Variants in ATP10B observed in about 807,000 individuals in gnomAD.
ATP10B encodes phospholipid-transporting ATPase VB.
Under a neutral mutation model 141.2 loss-of-function variants are expected in ATP10B, and 122 were observed. The observed-to-expected ratio is 0.86, with a 90% CI of 0.75 to 1.00. ATP10B has a LOEUF of 1.00. Ranked by LOEUF, ATP10B falls within the 50% of genes least tolerant of loss-of-function variation. The probability of loss-of-function intolerance (pLI) is 0.00; values close to 1 mark genes in which losing one functional copy is unlikely to be tolerated. For missense variants in ATP10B, 1,876 were observed against 1,825.3 expected (o/e 1.03, Z -0.51); for synonymous variants, 685 against 692.0 (o/e 0.99, Z 0.16).
At chr5:160,928,126 A>G in the ATP10B span, among the ~76,000 whole-genome samples, 1 of 152,122 alleles carries the variant, frequency 6.6e-6, no homozygotes, top group Non-Finnish European at 1.5e-5. Flanking sequence ...CATGCTTTGG[A>G]GGTGAGACTG....
At chr5:160,599,024 C>T in intron 21 of ATP10B, 54 bp from the exon 22 acceptor site, 1 of 1,565,598 alleles carries the variant, frequency 6.4e-7, no homozygotes, top group Non-Finnish European at 8.8e-7. Flanking sequence ...AGCCGGTCAC[C>T]AGCTCCTGCT....
At chr5:160,838,013 T>C (rs1287737246) in intron 1 of ATP10B, among the ~76,000 whole-genome samples, 1 of 152,192 alleles carries the variant, frequency 6.6e-6, no homozygotes, top group Non-Finnish European at 1.5e-5. Context: ...TCATAAACTT[T>C]TGCCAGAATT....
At chr5:160,902,665 C>A in the ATP10B span, among the ~76,000 whole-genome samples, 5 of 152,174 alleles carry the variant, frequency 3.3e-5, no homozygotes, top group South Asian at 8.3e-4. Context: ...GTTTGGGCAT[C>A]TTTTCTTCCA....
At chr5:160,756,458 C>A (rs1411861515) in intron 2 of ATP10B, among the ~76,000 whole-genome samples, 2 of 152,174 alleles carry the variant, frequency 1.3e-5, no homozygotes, top group African/African-American at 4.8e-5. Flanking sequence ...AGATTGTTTA[C>A]AAAGTGATTT....
chr5:160,661,362 G>A (rs997782062), intron 7 of ATP10B, among the ~76,000 whole-genome samples: 2 of 152,172 alleles, frequency 1.3e-5, no homozygotes, highest in Non-Finnish European at 2.9e-5. Context: ...TTTGGATGCT[G>A]ATTCAAACAA....
the ATP10B span, among the ~76,000 whole-genome samples, chr5:160,867,502 G>A: frequency 6.6e-6 from 1 of 152,110 alleles, no homozygotes; most frequent in African/African-American, 2.4e-5. Context: ...TGAGCAACTT[G>A]CCACATAGCA....
rs1283851222 is a variant in ATP10B at position 160,640,515 on chromosome 5, C to T, written c.946G>A (p.Asp316Asn). 1 of 1,614,106 alleles carries T rather than the reference C, an allele frequency of 6.2e-7. No individual in the cohort carries two copies. Among genetic ancestry groups the T allele is most frequent in the Non-Finnish European group, 8.5e-7 (1 of 1,179,986 alleles). The change falls in exon 10 of 26, where the codon GAC becomes AAC. Residue 316 changes from aspartate (D) to asparagine (N), a missense_variant. Physicochemically the swap from Asp to Asn is conservative, Grantham distance 23. Transcript: ENST00000327245. ...RSKIERRMNI[D>N]IFFCIGILIL... The stretch of plus-strand genomic sequence containing the variant: ...AGGATCCCAATGCAGAAGAAGATGT[C>T]TATATTCATGCGCCGCTCAATCTTG...
At chr5:160,737,765 C>T (rs1309809729) in intron 2 of ATP10B, among the ~76,000 whole-genome samples, 1 of 151,884 alleles carries the variant, frequency 6.6e-6, no homozygotes, top group Non-Finnish European at 1.5e-5. Context: ...ATTAGGAAGA[C>T]ATAACAATCG....
At chr5:160,653,545 C>T (rs921026465) in intron 7 of ATP10B, among the ~76,000 whole-genome samples, 3 of 132,696 alleles carry the variant, frequency 2.3e-5, no homozygotes, top group East Asian at 2.2e-4. Flanking sequence ...CATATACATA[C>T]ATACATATAT....
At chr5:160,720,331 G>A (rs1765916565) in intron 2 of ATP10B, among the ~76,000 whole-genome samples, 1 of 152,162 alleles carries the variant, frequency 6.6e-6, no homozygotes, top group South Asian at 2.1e-4. Flanking sequence ...TGAATGTAAA[G>A]GCTATAATTT....
intron 23 of ATP10B, among the ~76,000 whole-genome samples, chr5:160,589,897 G>A (rs992097899): frequency 6.6e-6 from 1 of 152,192 alleles, no homozygotes; most frequent in Admixed American, 6.5e-5. Context: ...GGTGTTTGCA[G>A]GAGTAAGCCA....
At chr5:160,768,973 G>C (rs930139596) in intron 2 of ATP10B, among the ~76,000 whole-genome samples, 4 of 152,166 alleles carry the variant, frequency 2.6e-5, no homozygotes, top group Admixed American at 2.0e-4. Context: ...TTTCAGTACT[G>C]AGCAAGTAAG....
intron 1 of ATP10B, among the ~76,000 whole-genome samples, chr5:160,823,069 G>T (rs1422479031): frequency 1.6e-5 from 2 of 125,408 alleles, no homozygotes; most frequent in African/African-American, 5.8e-5. Context: ...GTAACACAAA[G>T]GATAAATGCT....
the ATP10B span, among the ~76,000 whole-genome samples, chr5:160,871,345 C>A: frequency 6.6e-6 from 1 of 152,036 alleles, no homozygotes; most frequent in African/African-American, 2.4e-5. Flanking sequence ...AATGTACTCA[C>A]ATTACCCTTG....
chr5:160,658,196 A>G (rs1761640299), intron 7 of ATP10B, among the ~76,000 whole-genome samples: 1 of 152,230 alleles, frequency 6.6e-6, no homozygotes, highest in African/African-American at 2.4e-5. Context: ...ACCTCATCAG[A>G]TGGTGGTTGA....
At chr5:160,813,680 G>T (rs1241865009) in intron 1 of ATP10B, among the ~76,000 whole-genome samples, 3 of 152,208 alleles carry the variant, frequency 2.0e-5, no homozygotes, top group African/African-American at 7.2e-5. Context: ...CGGACAGACT[G>T]CCTCCTCAAG....
the ATP10B span, among the ~76,000 whole-genome samples, chr5:160,927,439 G>C: frequency 3.9e-5 from 6 of 152,116 alleles, no homozygotes; most frequent in African/African-American, 1.4e-4. Flanking sequence ...CTGTTTCTTA[G>C]GAGACTAAAT....
chr5:160,746,992 TATTTGGGGAA>T (rs1767849843), intron 2 of ATP10B, among the ~76,000 whole-genome samples: 1 of 152,136 alleles, frequency 6.6e-6, no homozygotes. Flanking sequence ...TTGTGCACCA[TATTTGGGGAA>T]AAAAATAGCT....
chr5:160,794,945 G>C (rs566544120), intron 1 of ATP10B, among the ~76,000 whole-genome samples: 1 of 152,090 alleles, frequency 6.6e-6, no homozygotes, highest in Non-Finnish European at 1.5e-5. Flanking sequence ...ACAAATGCAA[G>C]AAATGCATTT....
Sources: allele counts gnomAD v4.1 joint callset (sites outside exome capture counted in the v4.1 genomes callset), GRCh38; gene constraint gnomAD v4.1.1; transcripts MANE v1.5; gene names NCBI Gene and HGNC (gene_info 2026-07-23, HGNC 2026-07-21).